The following GPC3 variants were observed in gnomAD, a reference collection of about 807,000 sequenced individuals.
The protein encoded by GPC3 is glypican 3.
In GPC3, 3 loss-of-function variants were observed where a neutral mutation model predicts 34.4. The observed-to-expected ratio is 0.09, with a 90% CI of 0.04 to 0.23. The LOEUF is 0.23. Among genes scored for constraint, GPC3 ranks in the 10% least tolerant of loss-of-function variants. GPC3 has a pLI of 1.00. For missense variants in GPC3, 351 were observed against 445.6 expected, an observed-to-expected ratio of 0.79 and a Z score of 1.91; for synonymous variants, 177 against 174.0, an observed-to-expected ratio of 1.02 and a Z score of -0.13.
chrX:133,770,334 C>T (rs1284341449), intron 2 of GPC3, among the ~76,000 whole-genome samples: 1 of 111,624 alleles, frequency 9.0e-6, no homozygotes, highest in Non-Finnish European at 1.9e-5. Context: ...TGAAATTGGA[C>T]CTTCTGAACA....
chrX:133,893,190 G>C (rs1334240839), intron 2 of GPC3, among the ~76,000 whole-genome samples: 1 of 111,550 alleles, frequency 9.0e-6, no homozygotes, highest in East Asian at 2.8e-4. Context: ...CCAGGAGGCA[G>C]AGGTTGCAGT....
chrX:133,575,050 A>G (rs923856697), intron 7 of GPC3, among the ~76,000 whole-genome samples: 5 of 112,004 alleles, frequency 4.5e-5, no homozygotes, highest in Non-Finnish European at 9.4e-5. Flanking sequence ...TTAATATTTC[A>G]TGGCCTTTGG....
chrX:133,692,865 T>C (rs1261658367), intron 4 of GPC3, among the ~76,000 whole-genome samples: 1 of 111,802 alleles, frequency 8.9e-6, no homozygotes, highest in Non-Finnish European at 1.9e-5. Context: ...CTGAGTGTAA[T>C]TGGGTGCATT....
chrX:133,638,766 A>G (rs2070452760), intron 6 of GPC3, among the ~76,000 whole-genome samples: 1 of 108,876 alleles, frequency 9.2e-6, no homozygotes, highest in Non-Finnish European at 1.9e-5. Context: ...CACTGGAAGA[A>G]GAATTGTCTT....
At chrX:133,651,975 C>T (rs777304312) in intron 6 of GPC3, among the ~76,000 whole-genome samples, 1 of 112,072 alleles carries the variant, frequency 8.9e-6, no homozygotes, top group Non-Finnish European at 1.9e-5. Context: ...GGGGAAATGG[C>T]CTGATTAGTT....
At chrX:133,821,928 C>A (rs1002152799) in intron 2 of GPC3, among the ~76,000 whole-genome samples, 1 of 111,470 alleles carries the variant, frequency 9.0e-6, no homozygotes, top group African/African-American at 3.3e-5. Context: ...TCACTTGACC[C>A]AGAAAACAGA....
At chrX:133,844,908 T>C (rs993408683) in intron 2 of GPC3, among the ~76,000 whole-genome samples, 3 of 111,809 alleles carry the variant, frequency 2.7e-5, no homozygotes, top group Non-Finnish European at 5.6e-5. Flanking sequence ...AGTAAATAAC[T>C]CAGTGGTCCT....
rs199778216 is a variant in GPC3 at position 133,753,781 on chromosome X, G to T, written c.733C>A (p.His245Asn). 2.0e-5 allele frequency: 24 copies of T among 1,210,012 alleles called. No individual in the cohort carries two copies. Among genetic ancestry groups the T allele is most frequent in the Non-Finnish European group, 1.0e-5 (9 of 895,058 alleles). The change falls in exon 3 of 8, where the codon CAC becomes AAC. Residue 245 changes from histidine to asparagine, a missense_variant. Coordinates refer to ENST00000370818, the MANE Select transcript of GPC3 (RefSeq NM_004484.4). ...LGIEVINTTDHLKFSKDCGRM... is the reference protein window; with the variant it reads ...LGIEVINTTDNLKFSKDCGRM... ...CCACAGTCCTTACTGAACTTCAGGTGATCAGTTGTGTTGATCACTTCAATT... is the reference window on the plus strand; with the variant it reads ...CCACAGTCCTTACTGAACTTCAGGTTATCAGTTGTGTTGATCACTTCAATT...
intron 6 of GPC3, among the ~76,000 whole-genome samples, chrX:133,627,257 T>C (rs986792662): frequency 2.7e-5 from 3 of 109,113 alleles, no homozygotes; most frequent in Non-Finnish European, 5.7e-5. Context: ...GGCACATGTA[T>C]ACATATGTAA....
At chrX:133,713,708 G>C (rs976948137) in intron 3 of GPC3, among the ~76,000 whole-genome samples, 4 of 112,106 alleles carry the variant, frequency 3.6e-5, no homozygotes, top group African/African-American at 1.3e-4. Context: ...AACAAAGCAA[G>C]CCTGTTACTT....
At chrX:133,640,124 A>G (rs1226966548) in intron 6 of GPC3, among the ~76,000 whole-genome samples, 4 of 112,047 alleles carry the variant, frequency 3.6e-5, no homozygotes, top group African/African-American at 1.3e-4. Context: ...ATGTTTGCCA[A>G]TATTTCCTGT....
chrX:133,754,159 C>G lies in GPC3; in HGVS notation c.355G>C (p.Val119Leu). Residue 119 changes from valine (V) to leucine (L), a missense_variant, in exon 3 of 8, where the codon GTT becomes CTT. Transcript: ENST00000370818. ...TTGGTGTAGTTCTTGGCATGGCGAA[C>G]AACAATTTCAAAGGCCTCTGTAAAA... ...AVFQEAFEIV[V>L]RHAKNYTNAM... is the part of the protein sequence containing the mutation. The G allele has an allele frequency of 6.8e-6, 7 of 1,023,492 alleles. No individual in the cohort carries two copies. Among genetic ancestry groups the G allele is most frequent in the South Asian group, 2.3e-5 (1 of 43,359 alleles). The allele number at this position is 1,023,492 out of a possible 1,213,427, so 84.3% of individuals were successfully genotyped here.
intron 2 of GPC3, among the ~76,000 whole-genome samples, chrX:133,903,188 A>C (rs781778806): frequency 1.5e-4 from 17 of 110,673 alleles, no homozygotes; most frequent in African/African-American, 4.3e-4. Context: ...TGGCTTTATC[A>C]TAGTGTCCTC....
chrX:133,677,439 T>C lies in GPC3; in HGVS notation c.1292+14930A>G, dbSNP rs147984848. On this transcript the variant is annotated intron_variant, in intron 5 of 7. Coordinates refer to ENST00000370818, the MANE Select transcript of GPC3 (RefSeq NM_004484.4). ...CTCATAGCCTGTTATAGGTGGAAAG[T>C]GCTTTAGAGGTGATTTTGTCAAATT... Among the ~76,000 whole-genome samples the C allele has an allele frequency of 1.0e-3, 114 of 112,306 alleles. 1 individual carries two copies. The highest frequency in any genetic ancestry group is 3.4e-3 in the African/African-American group (106 of 30,990).
At chrX:133,675,376 C>T (rs969667893) in intron 5 of GPC3, among the ~76,000 whole-genome samples, 2 of 111,052 alleles carry the variant, frequency 1.8e-5, no homozygotes, top group African/African-American at 6.6e-5. Flanking sequence ...CTCTGGAATT[C>T]GTTTTGTTCC....
rs1270406974 is a variant in GPC3 at position 133,753,804 on chromosome X, A to G, written c.710T>C (p.Ile237Thr). ...GTGATCAGTTGTGTTGATCACTTCAATTCCAAGATTCAGAGCCTGAAGGAA... is the reference window on the plus strand; with the variant it reads ...GTGATCAGTTGTGTTGATCACTTCAGTTCCAAGATTCAGAGCCTGAAGGAA... The part of the protein sequence containing the change: ...RIFLQALNLG[I>T]EVINTTDHLK... Residue 237 changes from isoleucine to threonine, a missense_variant, in exon 3 of 8, where the codon ATT (isoleucine) becomes ACT (threonine). By Grantham distance (89) the Ile-to-Thr change is moderately conservative. Transcript: ENST00000370818. The G allele has an allele frequency of 1.7e-6, 2 of 1,211,387 alleles. No homozygotes were observed. Among genetic ancestry groups the G allele is most frequent in the South Asian group, 1.8e-5 (1 of 56,975 alleles).
intron 2 of GPC3, among the ~76,000 whole-genome samples, chrX:133,944,916 A>T (rs1271477448): frequency 9.0e-6 from 1 of 111,353 alleles, no homozygotes; most frequent in Non-Finnish European, 1.9e-5. Flanking sequence ...TTGGTCACAA[A>T]GAGAGGAAAG....
rs2069290389 is a variant in GPC3 at position 133,536,257 on chromosome X, C to G, written c.1610G>C (p.Gly537Ala). The part of the protein sequence containing the change: ...AYDLDVDDAP[G>A]NSQQATPKDN... ...CTTCGGAGTTGCCTGCTGACTGTTT[C>G]CAGGCGCATCATCCACATCCAGATC... Residue 537 changes from glycine to alanine, a missense_variant, in exon 8 of 8, where the codon GGA becomes GCA. Gly to Ala is a moderately conservative substitution (Grantham distance 60). Coordinates refer to ENST00000370818, the MANE Select transcript of GPC3 (RefSeq NM_004484.4). 2 of 1,204,686 alleles carry G rather than the reference C, an allele frequency of 1.7e-6. No individual in the cohort carries two copies. Among genetic ancestry groups the G allele is most frequent in the Non-Finnish European group, 2.2e-6 (2 of 889,747 alleles).
In GPC3 at chrX:133,859,720, A is replaced by T. The variant is rs139326871; in HGVS notation, c.337+93330T>A. Reference sequence around the variant, plus strand: ...TGCAAAGCATCATCAGTATCATCTCATTGGAGCCTTGGCAATTCTGTGAGT... The same window carrying T: ...TGCAAAGCATCATCAGTATCATCTCTTTGGAGCCTTGGCAATTCTGTGAGT... On this transcript the variant is annotated intron_variant, in intron 2 of 7. Transcript: ENST00000370818. Among the ~76,000 whole-genome samples, 770 of 112,594 alleles carry T rather than the reference A, an allele frequency of 6.8e-3. 6 individuals carry two copies. Among genetic ancestry groups the T allele is most frequent in the Middle Eastern group, 0.023 (5 of 216 alleles).
Sources: gnomAD v4.1 joint callset for allele counts (sites outside exome capture counted in the v4.1 genomes callset) on GRCh38, gnomAD v4.1.1 for gene constraint, MANE v1.5 for transcripts, NCBI Gene and HGNC (gene_info 2026-07-23, HGNC 2026-07-21) for gene names.